Variants in CACNG5 observed in about 807,000 individuals in gnomAD.
CACNG5 encodes the protein calcium voltage-gated channel auxiliary subunit gamma 5, also known as voltage-dependent calcium channel gamma-5 subunit.
In CACNG5, 18 loss-of-function variants were observed where a neutral mutation model predicts 24.8. The ratio of observed to expected loss-of-function variants is 0.73; its 90% confidence interval spans 0.50 to 1.08. The LOEUF (loss-of-function observed/expected upper bound fraction) is 1.08. Ranked by LOEUF, CACNG5 falls within the 50% of genes least tolerant of loss-of-function variation. CACNG5 has a pLI of 0.00. For missense variants in CACNG5, 349 were observed against 367.9 expected, an observed-to-expected ratio of 0.95 and a Z score of 0.42; for synonymous variants, 157 against 149.1, an observed-to-expected ratio of 1.05 and a Z score of -0.39.
intron 1 of CACNG5, among the ~76,000 whole-genome samples, chr17:66,865,346 G>C (rs1189651532): frequency 6.6e-6 from 1 of 151,368 alleles, no homozygotes; most frequent in Non-Finnish European, 1.5e-5. Flanking sequence ...ATGCACCCCA[G>C]AAAATTTCAA....
In CACNG5 at chr17:66,892,179, C is replaced by G. The variant is rs79599428; in HGVS notation, c.*6939C>G. ...GGTGGAAGCCCCAGGGACCTCCCCC[C>G]ACTCCTCGCTCTGTCTCAGCCTGCA... On this transcript the variant is annotated 3_prime_UTR_variant, in exon 6 of 6. Transcript: ENST00000533854. Among the ~76,000 whole-genome samples, 1,293 of 152,328 alleles carry G rather than the reference C, an allele frequency of 8.5e-3. 56 individuals are homozygous for G. In the East Asian group the frequency reaches 0.12, roughly 14 times the overall value.
intron 1 of CACNG5, among the ~76,000 whole-genome samples, chr17:66,859,342 G>T (rs1214853799): frequency 1.3e-5 from 2 of 152,162 alleles, no homozygotes; most frequent in African/African-American, 2.4e-5. Flanking sequence ...GTTTGACTCA[G>T]TTTTGGGGGA....
intron 1 of CACNG5, among the ~76,000 whole-genome samples, chr17:66,850,587 T>A (rs181500186): frequency 1.7e-4 from 24 of 138,322 alleles, no homozygotes; most frequent in Admixed American, 2.8e-4. Flanking sequence ...TATATATACA[T>A]ACACAAATAC....
At chr17:66,854,650 C>T (rs925350879) in intron 1 of CACNG5, among the ~76,000 whole-genome samples, 9 of 151,866 alleles carry the variant, frequency 5.9e-5, no homozygotes, top group South Asian at 4.2e-4. Context: ...GCCAAGATCG[C>T]GCCACTGCAC....
At chr17:66,843,862 G>T (rs1015416177) in intron 1 of CACNG5, among the ~76,000 whole-genome samples, 1 of 151,980 alleles carries the variant, frequency 6.6e-6, no homozygotes, top group Admixed American at 6.6e-5. Context: ...TCTCACACTG[G>T]GTGCTCTCAA....
chr17:66,861,638 T>C (rs572064682), intron 1 of CACNG5, among the ~76,000 whole-genome samples: 7 of 152,216 alleles, frequency 4.6e-5, no homozygotes, highest in Non-Finnish European at 7.3e-5. Flanking sequence ...ATGACCAGTG[T>C]CACTAGAATT....
At chr17:66,873,658 T>A (rs1267201542) in intron 1 of CACNG5, among the ~76,000 whole-genome samples, 1 of 152,216 alleles carries the variant, frequency 6.6e-6, no homozygotes, top group Non-Finnish European at 1.5e-5. Flanking sequence ...TATACCAGGA[T>A]CATGCTTTAG....
chr17:66,865,225 T>C (rs932660951), intron 1 of CACNG5, among the ~76,000 whole-genome samples: 9 of 152,204 alleles, frequency 5.9e-5, no homozygotes, highest in African/African-American at 2.2e-4. Context: ...TTAATGTTAT[T>C]TTTGTGCACA....
chr17:66,850,679 T>C (rs1283729526), intron 1 of CACNG5, among the ~76,000 whole-genome samples: 1 of 151,902 alleles, frequency 6.6e-6, no homozygotes, highest in Middle Eastern at 3.2e-3. Context: ...TGCAGAAGAA[T>C]AGAAAGAGGC....
At chr17:66,860,499 C>G (rs1976839096) in intron 1 of CACNG5, among the ~76,000 whole-genome samples, 1 of 149,582 alleles carries the variant, frequency 6.7e-6, no homozygotes, top group Non-Finnish European at 1.5e-5. Context: ...ATTTAAAGTG[C>G]TGGAAGAAAA....
rs147124881 is a variant in CACNG5 at position 66,877,382 on chromosome 17, C to T, written c.50C>T (p.Ala17Val). 86 of 1,614,068 alleles carry T rather than the reference C, an allele frequency of 5.3e-5. No individual in the cohort carries two copies. The highest frequency in any genetic ancestry group is 1.9e-5 in the Non-Finnish European group (22 of 1,180,026). Residue 17 changes from alanine to valine, a missense_variant, in exon 2 of 6, where the codon GCT becomes GTT. Physicochemically the swap from Ala to Val is moderately conservative, Grantham distance 64. Coordinates refer to ENST00000533854, the MANE Select transcript of CACNG5 (RefSeq NM_145811.3). Reference protein sequence around the residue: ...KALTLLSSVFAVCGLGLLGIA... With the variant: ...KALTLLSSVFVVCGLGLLGIA... ...CTGACCCTGCTGAGCAGTGTCTTTG[C>T]TGTCTGTGGCTTGGGCCTCCTGGGT...
At chr17:66,843,244 T>G (rs1976591229) in intron 1 of CACNG5, among the ~76,000 whole-genome samples, 1 of 152,106 alleles carries the variant, frequency 6.6e-6, no homozygotes, top group Non-Finnish European at 1.5e-5. Flanking sequence ...CTGATGCTAA[T>G]GGGGGCAAGC....
intron 1 of CACNG5, among the ~76,000 whole-genome samples, chr17:66,836,757 A>T (rs1234555009): frequency 6.6e-6 from 1 of 152,208 alleles, no homozygotes; most frequent in Non-Finnish European, 1.5e-5. Flanking sequence ...GGGGCTGGGT[A>T]GTCCAGTTCA....
chr17:66,836,475 T>C (rs1269046634), intron 1 of CACNG5, among the ~76,000 whole-genome samples: 2 of 152,186 alleles, frequency 1.3e-5, no homozygotes, highest in African/African-American at 4.8e-5. Context: ...TCAGAGTATC[T>C]CAGGACCACA....
In CACNG5 at chr17:66,885,152, C is replaced by G. The variant is rs2143133823; in HGVS notation, c.740C>G (p.Ser247Cys). The change falls in exon 6 of 6, where the codon TCC (serine) becomes TGC (cysteine). Residue 247 changes from serine to cysteine, a missense_variant. By Grantham distance (112) the Ser-to-Cys change is moderately radical (BLOSUM62 -1). Coordinates refer to ENST00000533854, the MANE Select transcript of CACNG5 (RefSeq NM_145811.3). The stretch of plus-strand genomic sequence containing the variant: ...AGGGGCCGCAGCCCCTCCGACATCT[C>G]CAGCGAGGCCTCCCTGCAGATGAAC... ...WVRGRSPSDI[S>C]SEASLQMNSN... The G allele has an allele frequency of 1.9e-6, 3 of 1,613,636 alleles. No homozygotes were observed. The highest frequency in any genetic ancestry group is 1.7e-6 in the Non-Finnish European group (2 of 1,180,002).
intron 1 of CACNG5, among the ~76,000 whole-genome samples, chr17:66,862,855 G>A (rs1264746483): frequency 1.3e-5 from 2 of 149,546 alleles, no homozygotes; most frequent in Non-Finnish European, 1.5e-5. Context: ...GTATATGAGA[G>A]TGCTGCATCT....
chr17:66,849,038 G>A (rs754448073), intron 1 of CACNG5, among the ~76,000 whole-genome samples: 11 of 152,152 alleles, frequency 7.2e-5, no homozygotes, highest in Non-Finnish European at 1.3e-4. Flanking sequence ...CCCTAGAGCC[G>A]GGAGGCCATG....
Position 66,893,279 on chromosome 17 carries a change from T to A in CACNG5, c.*8039T>A, listed in dbSNP as rs987255102. On this transcript the variant is annotated 3_prime_UTR_variant, in exon 6 of 6. Transcript: ENST00000533854. ...AATAATCCAGGTTCCCATCCAAAGA[T>A]AAATGGGGGAAGGAAAGGTCTAAAT... Among the ~76,000 whole-genome samples, 3 of 152,106 alleles carry A rather than the reference T, an allele frequency of 2.0e-5. No individual in the cohort carries two copies. The highest frequency in any genetic ancestry group is 4.4e-5 in the Non-Finnish European group (3 of 68,014).
At chr17:66,841,767 G>T (rs746115274) in intron 1 of CACNG5, among the ~76,000 whole-genome samples, 1 of 152,182 alleles carries the variant, frequency 6.6e-6, no homozygotes, top group Non-Finnish European at 1.5e-5. Flanking sequence ...AAAAGGACGG[G>T]GTGGGAGAGG....
Sources: allele counts gnomAD v4.1 joint callset (sites outside exome capture counted in the v4.1 genomes callset), GRCh38; gene constraint gnomAD v4.1.1; transcripts MANE v1.5; gene names NCBI Gene and HGNC (gene_info 2026-07-23, HGNC 2026-07-21).